The following LEKR1 variants were observed in gnomAD, a reference collection of about 807,000 sequenced individuals.
LEKR1 encodes the protein protein LEKR1.
LEKR1 carries 59 observed loss-of-function variants against 72.4 expected under a neutral mutation model. The ratio of observed to expected loss-of-function variants is 0.82; its 90% CI spans 0.66 to 1.01. LEKR1 has a LOEUF of 1.01. LEKR1 is among the 50% of genes least tolerant of loss of function. The pLI, the probability that LEKR1 is intolerant of heterozygous loss-of-function variation, is 0.00. For missense variants in LEKR1, 728 were observed against 759.2 expected (o/e 0.96, Z 0.48); for synonymous variants, 257 against 263.2 (o/e 0.98, Z 0.23).
chr3:156,984,506 G>A (rs1289465981), intron 7 of LEKR1, among the ~76,000 whole-genome samples: 3 of 151,898 alleles, frequency 2.0e-5, no homozygotes, highest in African/African-American at 4.8e-5. Flanking sequence ...GTGAAACCTC[G>A]CCTTTACTAA....
At chr3:157,040,436 C>T (rs1025440651) in intron 12 of LEKR1, among the ~76,000 whole-genome samples, 2 of 152,214 alleles carry the variant, frequency 1.3e-5, no homozygotes, top group African/African-American at 4.8e-5. Context: ...ACCAGCCTGA[C>T]ATCCATCTTA....
chr3:156,935,654 C>T (rs1725626975), intron 5 of LEKR1, among the ~76,000 whole-genome samples: 1 of 152,136 alleles, frequency 6.6e-6, no homozygotes, highest in African/African-American at 2.4e-5. Flanking sequence ...AGTTGAGGAA[C>T]TATCCCACTT....
intron 12 of LEKR1, among the ~76,000 whole-genome samples, chr3:157,033,179 C>T (rs143713375): frequency 9.5e-4 from 145 of 152,292 alleles, no homozygotes; most frequent in South Asian, 3.9e-3. Flanking sequence ...CAATTAACAA[C>T]GCTACAATGG....
In LEKR1 at chr3:156,942,553, T is replaced by C. The variant is rs1248459645; in HGVS notation, c.584T>C (p.Leu195Ser). The C allele has an allele frequency of 6.4e-6, 8 of 1,245,534 alleles. 1 individual carries two copies. In the South Asian group the frequency reaches 1.0e-4, roughly 16 times the overall value. 77.2% of individuals were successfully genotyped at this position (1,245,534 alleles called of 1,614,324 possible). A position where few individuals can be genotyped will look rare whatever the true frequency, so the allele number is the denominator to read the frequency against. The change falls in exon 6 of 13, where the codon TTG (leucine) becomes TCG (serine). Residue 195 changes from leucine (L) to serine (S), a missense_variant. Coordinates refer to ENST00000356539, the MANE Select transcript of LEKR1 (RefSeq NM_001004316.3). ...GAAATAGACATACTGAATAAAAGTTTGACAGTATCCCAGAGAAATAAAGTA... is the reference window on the plus strand; with the variant it reads ...GAAATAGACATACTGAATAAAAGTTCGACAGTATCCCAGAGAAATAAAGTA... The part of the protein sequence containing the change: ...LTEIDILNKS[L>S]TVSQRNKVCL...
At chr3:157,009,957 G>C (rs1732757692) in intron 9 of LEKR1, among the ~76,000 whole-genome samples, 1 of 151,928 alleles carries the variant, frequency 6.6e-6, no homozygotes, top group Non-Finnish European at 1.5e-5. Flanking sequence ...CATTTCATCA[G>C]AGTTGTCAAA....
chr3:156,996,127 T>C (rs950274057), intron 9 of LEKR1, among the ~76,000 whole-genome samples: 2 of 152,108 alleles, frequency 1.3e-5, no homozygotes, highest in African/African-American at 4.8e-5. Flanking sequence ...ACATAGTACA[T>C]AGCTTATATT....
At position 156,995,471 on chromosome 3, in the gene LEKR1, A is replaced by G. The variant is rs1378968636; in HGVS notation, c.1109+2194A>G. On this transcript the variant is annotated intron_variant, in intron 9 of 12. Coordinates refer to ENST00000356539, the MANE Select transcript of LEKR1 (RefSeq NM_001004316.3). ...TTCTTTATTCTCTCTGCTTTAGTCT[A>G]TCCAGAATATACATGTACTTAGTAA... is the stretch of plus-strand genomic sequence containing the variant. Among the ~76,000 whole-genome samples the G allele has an allele frequency of 1.3e-5, 2 of 151,980 alleles. 1 individual carries two copies. The highest frequency in any genetic ancestry group is 3.9e-4 in the East Asian group (2 of 5,168).
chr3:156,979,399 C>A, intron 7 of LEKR1, 124 bp downstream of exon 7: 1 of 403,722 alleles, frequency 2.5e-6, no homozygotes, highest in Non-Finnish European at 4.7e-6. Flanking sequence ...ATTCTTTTGG[C>A]AGTGATTTAC....
intron 3 of LEKR1, among the ~76,000 whole-genome samples, chr3:156,883,018 G>GTGC (rs1380435487): frequency 4.6e-5 from 7 of 151,290 alleles, no homozygotes; most frequent in African/African-American, 1.7e-4. Context: ...GGGGGGAGGG[G>GTGC]GGAGAGATAG....
intron 10 of LEKR1, among the ~76,000 whole-genome samples, chr3:157,012,448 G>T (rs899475894): frequency 5.3e-5 from 8 of 152,126 alleles, no homozygotes; most frequent in Admixed American, 2.0e-4. Context: ...TGTAACCTCA[G>T]CAACAAGCAG....
intron 6 of LEKR1, among the ~76,000 whole-genome samples, chr3:156,967,936 A>C (rs1167231451): frequency 2.6e-5 from 4 of 152,162 alleles, no homozygotes; most frequent in Non-Finnish European, 5.9e-5. Flanking sequence ...CTCAGCAGAA[A>C]CTCTACAAGC....
At chr3:156,857,104 T>C (rs1716154715) in intron 3 of LEKR1, among the ~76,000 whole-genome samples, 1 of 152,134 alleles carries the variant, frequency 6.6e-6, no homozygotes, top group Non-Finnish European at 1.5e-5. Context: ...TTCTAGTTCT[T>C]TAAGTTTATT....
At chr3:157,013,413 G>C (rs535351886) in intron 10 of LEKR1, among the ~76,000 whole-genome samples, 10 of 152,198 alleles carry the variant, frequency 6.6e-5, no homozygotes, top group African/African-American at 2.4e-4. Context: ...GTTAGTGTTA[G>C]CATCTGACAT....
chr3:157,019,747 A>G (rs896809521), intron 10 of LEKR1, among the ~76,000 whole-genome samples: 73 of 152,208 alleles, frequency 4.8e-4, no homozygotes, highest in African/African-American at 1.6e-3. Context: ...AAATAAAAAC[A>G]TGGCAATTTG....
intron 3 of LEKR1, among the ~76,000 whole-genome samples, chr3:156,899,773 T>C (rs1345225975): frequency 1.1e-5 from 1 of 90,876 alleles, no homozygotes; most frequent in Non-Finnish European, 2.5e-5. Flanking sequence ...CATGCATATA[T>C]ACACATATAT....
rs561062049 is a variant in LEKR1, at chr3:156,927,963, A to G, written c.559+359A>G. Among the ~76,000 whole-genome samples, 5 of 152,138 alleles carry G rather than the reference A, an allele frequency of 3.3e-5. No individual in the cohort carries two copies. The South Asian group carries it at 1.0e-3, about 32-fold the overall frequency. On this transcript the variant is annotated intron_variant, in intron 5 of 12. Coordinates refer to ENST00000356539, the MANE Select transcript of LEKR1 (RefSeq NM_001004316.3). The stretch of plus-strand genomic sequence containing the variant: ...CTAGAAAAATAGCTACCTAAAGACA[A>G]TAAAGAGTGACCCAAAGCAAAAACA...
chr3:156,853,603 T>A (rs1229928442), intron 3 of LEKR1, among the ~76,000 whole-genome samples: 4 of 152,134 alleles, frequency 2.6e-5, no homozygotes, highest in African/African-American at 9.6e-5. Context: ...TAAGAGACCT[T>A]GAGTTAATGA....
intron 10 of LEKR1, among the ~76,000 whole-genome samples, chr3:157,013,000 G>A (rs1315517267): frequency 1.3e-5 from 2 of 151,962 alleles, no homozygotes; most frequent in African/African-American, 4.8e-5. Context: ...CCAACTGATG[G>A]AACAGTTTAA....
chr3:156,971,418 A>G (rs1560117024), intron 6 of LEKR1, among the ~76,000 whole-genome samples: 2 of 152,232 alleles, frequency 1.3e-5, no homozygotes, highest in South Asian at 4.1e-4. Flanking sequence ...ACAATTCAGG[A>G]CATAGGCATG....
Sources: gnomAD v4.1 joint callset for allele counts (sites outside exome capture counted in the v4.1 genomes callset) on GRCh38, gnomAD v4.1.1 for gene constraint, MANE v1.5 for transcripts, NCBI Gene and HGNC (gene_info 2026-07-23, HGNC 2026-07-21) for gene names.